TBC1D1: variants seen among roughly 807,000 people sequenced by gnomAD.
The protein encoded by TBC1D1 is TBC1 domain family member 1.
TBC1D1 carries 89 observed loss-of-function variants against 125.6 expected under a neutral mutation model. That is an observed-to-expected ratio of 0.71 (90% CI 0.60 to 0.85). The LOEUF is 0.85. TBC1D1 is among the 40% of genes least tolerant of loss of function. The pLI, the probability that TBC1D1 is intolerant of heterozygous loss-of-function variation, is 0.00. For synonymous variants in TBC1D1, 565 were observed against 564.1 expected (o/e 1.00, Z -0.02); for missense variants, 1,377 against 1,469.2 (o/e 0.94, Z 1.03).
intron 2 of TBC1D1, among the ~76,000 whole-genome samples, chr4:37,948,587 C>T (rs1466025169): frequency 6.6e-6 from 1 of 151,720 alleles, no homozygotes; most frequent in Non-Finnish European, 1.5e-5. Flanking sequence ...AGATCTCACC[C>T]ACTGCACTCC....
intron 13 of TBC1D1, among the ~76,000 whole-genome samples, chr4:38,093,629 AT>A (rs1429258337): frequency 4.1e-5 from 6 of 148,080 alleles, no homozygotes; most frequent in Non-Finnish European, 7.5e-5. Context: ...GGTTCAAGCG[AT>A]TCTCCTGTCT....
At chr4:38,052,194 T>A in intron 11 of TBC1D1, 134 bp downstream of exon 12, 1 of 580,888 alleles carries the variant, frequency 1.7e-6, no homozygotes, top group Non-Finnish European at 2.8e-6. Flanking sequence ...TGTGTGTGTG[T>A]GCGCGCGCGT....
At chr4:37,913,246 TG>T (rs1213282887) in intron 2 of TBC1D1, among the ~76,000 whole-genome samples, 1 of 152,158 alleles carries the variant, frequency 6.6e-6, no homozygotes, top group Non-Finnish European at 1.5e-5. Context: ...TCCTAAGGAA[TG>T]GTATGAAAAA....
At chr4:37,938,865 G>C (rs1724948826) in intron 2 of TBC1D1, among the ~76,000 whole-genome samples, 1 of 152,118 alleles carries the variant, frequency 6.6e-6, no homozygotes, top group Non-Finnish European at 1.5e-5. Flanking sequence ...TCATCCTTTT[G>C]TATGGCTGCA....
rs371338316 is a variant in TBC1D1, at chr4:38,103,153, C to T, written c.2553C>T (p.Asp851=). The change falls in exon 15 of 20, where the codon GAC becomes GAT. Residue 851 remains aspartate, a synonymous_variant. Coordinates refer to ENST00000261439, the MANE Select transcript of TBC1D1 (RefSeq NM_015173.4). ...CCCAGCAGCATGCGATTCTTATTGACCTTGGTAAGTCTGTGCCATCGATTG... is the reference window on the plus strand; with the variant it reads ...CCCAGCAGCATGCGATTCTTATTGATCTTGGTAAGTCTGTGCCATCGATTG... 1.9e-5 allele frequency: 31 copies of T among 1,609,794 alleles called. No individual in the cohort carries two copies. The African/African-American group carries it at 3.6e-4, about 19-fold the overall frequency.
At chr4:37,947,629 A>C (rs1357634392) in intron 2 of TBC1D1, among the ~76,000 whole-genome samples, 1 of 152,188 alleles carries the variant, frequency 6.6e-6, no homozygotes, top group Non-Finnish European at 1.5e-5. Flanking sequence ...TTAATTAAAA[A>C]AATTTTGTTT....
intron 2 of TBC1D1, among the ~76,000 whole-genome samples, chr4:37,972,992 A>G (rs1468666042): frequency 6.6e-6 from 1 of 152,090 alleles, no homozygotes; most frequent in African/African-American, 2.4e-5. Context: ...ATTCCAGATT[A>G]TAACAGAAAA....
rs192524942 is a variant in TBC1D1, at chr4:38,038,871, G to A, written c.1413+3173G>A. Among the ~76,000 whole-genome samples, 89 of 151,442 alleles carry A rather than the reference G, an allele frequency of 5.9e-4. No homozygotes were observed. The East Asian group carries it at 0.015, about 26-fold the overall frequency. ...TGAGGCAGGAGAATGGCATGAACCC[G>A]GGAAGCGGAGGTTGCAGTGAGCCGA... On this transcript the variant is annotated intron_variant, in intron 8 of 19. Coordinates refer to ENST00000261439, the MANE Select transcript of TBC1D1 (RefSeq NM_015173.4).
rs975507674 is a variant in TBC1D1 at position 38,138,226 on chromosome 4, C to T, written c.*891C>T. 6.6e-6 allele frequency: 1 copy of T among 152,122 alleles called. No individual in the cohort carries two copies. The highest frequency in any genetic ancestry group is 1.5e-5 in the Non-Finnish European group (1 of 68,022). 9.4% of individuals were successfully genotyped at this position (152,122 alleles called of 1,614,324 possible). On this transcript the variant is annotated 3_prime_UTR_variant, in exon 20 of 20. Transcript: ENST00000261439. ...GGTAAATGCTTTATGGGACAGCTGACACCTTTTAGACCCTACCAGGTATTG... is the reference window on the plus strand; with the variant it reads ...GGTAAATGCTTTATGGGACAGCTGATACCTTTTAGACCCTACCAGGTATTG...
intron 17 of TBC1D1, among the ~76,000 whole-genome samples, chr4:38,124,544 A>T (rs1764341798): frequency 6.6e-6 from 1 of 152,220 alleles, no homozygotes; most frequent in Non-Finnish European, 1.5e-5. Context: ...CCTTGTTTCA[A>T]AACAGAGGAA....
At chr4:37,962,078 G>C (rs1730169853) in intron 2 of TBC1D1, among the ~76,000 whole-genome samples, 1 of 152,194 alleles carries the variant, frequency 6.6e-6, no homozygotes, top group African/African-American at 2.4e-5. Flanking sequence ...GGCCCCATGA[G>C]GGCAGGGACC....
intron 17 of TBC1D1, among the ~76,000 whole-genome samples, chr4:38,120,917 A>G (rs1226827698): frequency 6.6e-6 from 1 of 152,222 alleles, no homozygotes; most frequent in Admixed American, 6.5e-5. Context: ...GTTTTTCTAT[A>G]GGACATGCTG....
At chr4:37,980,362 C>G (rs1056898458) in intron 2 of TBC1D1, among the ~76,000 whole-genome samples, 1 of 152,172 alleles carries the variant, frequency 6.6e-6, no homozygotes, top group Non-Finnish European at 1.5e-5. Flanking sequence ...TGACTTTTTA[C>G]GCAGTTTATA....
At chr4:37,910,444 C>T (rs1167669075) in intron 2 of TBC1D1, among the ~76,000 whole-genome samples, 1 of 152,108 alleles carries the variant, frequency 6.6e-6, no homozygotes, top group Non-Finnish European at 1.5e-5. Flanking sequence ...ATAATGATTA[C>T]ATGTTGAAAT....
At chr4:38,099,996 C>G (rs1760023621) in intron 14 of TBC1D1, among the ~76,000 whole-genome samples, 1 of 152,048 alleles carries the variant, frequency 6.6e-6, no homozygotes, top group Admixed American at 6.5e-5. Context: ...GAAAATTTCC[C>G]AGTTTGAGAA....
chr4:37,990,645 C>A (rs1736356943), intron 2 of TBC1D1, among the ~76,000 whole-genome samples: 1 of 152,182 alleles, frequency 6.6e-6, no homozygotes, highest in African/African-American at 2.4e-5. Flanking sequence ...CCTTCCATTT[C>A]CAGAAATATG....
intron 2 of TBC1D1, among the ~76,000 whole-genome samples, chr4:37,902,797 G>A (rs1393437358): frequency 6.6e-6 from 1 of 152,202 alleles, no homozygotes; most frequent in Admixed American, 6.5e-5. Context: ...CATTATTTCA[G>A]ATGAATGTTC....
At chr4:38,088,467 A>G (rs1757905115) in intron 12 of TBC1D1, among the ~76,000 whole-genome samples, 1 of 152,216 alleles carries the variant, frequency 6.6e-6, no homozygotes, top group African/African-American at 2.4e-5. Flanking sequence ...TCTTTTGTTC[A>G]ACAGCTATTT....
intron 2 of TBC1D1, among the ~76,000 whole-genome samples, chr4:37,953,985 A>G (rs1728405447): frequency 6.6e-6 from 1 of 152,214 alleles, no homozygotes; most frequent in Admixed American, 6.5e-5. Flanking sequence ...GAGATTTCCA[A>G]GCGATTCATA....
Sources: gnomAD v4.1 joint callset for allele counts (sites outside exome capture counted in the v4.1 genomes callset) on GRCh38, gnomAD v4.1.1 for gene constraint, MANE v1.5 for transcripts, NCBI Gene and HGNC (gene_info 2026-07-23, HGNC 2026-07-21) for gene names.